The following AGBL4 variants were observed in gnomAD, a reference collection of about 807,000 sequenced individuals.
The protein encoded by AGBL4 is cytosolic carboxypeptidase 6.
Under a neutral mutation model 66.4 loss-of-function variants are expected in AGBL4, and 58 were observed. The ratio of observed to expected loss-of-function variants is 0.87; its 90% CI spans 0.71 to 1.09. The LOEUF (loss-of-function observed/expected upper bound fraction) is 1.09. AGBL4 is among the 50% of genes least tolerant of loss of function. The pLI is 0.00. For synonymous variants in AGBL4, 234 were observed against 222.9 expected (o/e 1.05, Z -0.44); for missense variants, 579 against 631.0 (o/e 0.92, Z 0.88).
At chr1:48,705,782 T>C (rs140893332) in intron 6 of AGBL4, among the ~76,000 whole-genome samples, 2,313 of 152,266 alleles carry the variant, frequency 0.015, 55 homozygotes, top group African/African-American at 0.05. Flanking sequence ...AAGCAGAATT[T>C]GAGGCAAAAT....
chr1:48,856,846 A>C (rs2148814838), intron 6 of AGBL4, among the ~76,000 whole-genome samples: 1 of 152,292 alleles, frequency 6.6e-6, no homozygotes, highest in East Asian at 1.9e-4. Flanking sequence ...AGTGAAAAAA[A>C]CCCAGTGACT....
intron 3 of AGBL4, among the ~76,000 whole-genome samples, chr1:49,407,201 G>A (rs1283101103): frequency 2.0e-5 from 3 of 151,480 alleles, no homozygotes. Context: ...CTTTAAGTAA[G>A]CAGATTGTCC....
chr1:49,985,217 C>T (rs1483967007), intron 1 of AGBL4, among the ~76,000 whole-genome samples: 3 of 152,024 alleles, frequency 2.0e-5, no homozygotes, highest in African/African-American at 4.8e-5. Flanking sequence ...TTGTAAAATA[C>T]CTACACAATG....
At chr1:49,192,708 A>T (rs1647145345) in intron 4 of AGBL4, among the ~76,000 whole-genome samples, 1 of 152,242 alleles carries the variant, frequency 6.6e-6, no homozygotes, top group Non-Finnish European at 1.5e-5. Flanking sequence ...TGCTAATATG[A>T]ATAGTAACCT....
At chr1:48,912,403 T>A (rs575273925) in intron 5 of AGBL4, among the ~76,000 whole-genome samples, 5 of 152,174 alleles carry the variant, frequency 3.3e-5, no homozygotes, top group African/African-American at 1.2e-4. Context: ...CAGTTGAAGA[T>A]TGCTAGAGGG....
At chr1:49,305,403 C>T (rs1557824473) in intron 3 of AGBL4, among the ~76,000 whole-genome samples, 1 of 152,160 alleles carries the variant, frequency 6.6e-6, no homozygotes, top group Non-Finnish European at 1.5e-5. Context: ...CCTGTGGACC[C>T]TCCAGATACC....
chr1:49,643,111 A>C (rs1645816353), intron 3 of AGBL4, among the ~76,000 whole-genome samples: 1 of 152,002 alleles, frequency 6.6e-6, no homozygotes, highest in Non-Finnish European at 1.5e-5. Context: ...TACATGAAAG[A>C]TATATTTTAA....
intron 3 of AGBL4, among the ~76,000 whole-genome samples, chr1:49,643,433 C>G (rs1406036812): frequency 6.6e-6 from 1 of 151,204 alleles, no homozygotes; most frequent in African/African-American, 2.4e-5. Flanking sequence ...AGAACAATAG[C>G]TGAAAATTAT....
intron 3 of AGBL4, among the ~76,000 whole-genome samples, chr1:49,534,171 CAAAAAAA>C (rs71059553): frequency 0.047 from 3,181 of 67,066 alleles, 73 homozygotes; most frequent in African/African-American, 0.17. Flanking sequence ...CACCATTTTA[CAAAAAAA>C]AAAAAAAAAA....
chr1:49,432,623 T>C (rs1645811876), intron 3 of AGBL4, among the ~76,000 whole-genome samples: 4 of 152,026 alleles, frequency 2.6e-5, no homozygotes, highest in Admixed American at 6.5e-5. Flanking sequence ...CTATTTTACA[T>C]GGTTTTACTT....
intron 1 of AGBL4, among the ~76,000 whole-genome samples, chr1:49,937,215 A>C (rs945466941): frequency 1.3e-5 from 2 of 152,202 alleles, no homozygotes; most frequent in Non-Finnish European, 2.9e-5. Context: ...ACAGACATTA[A>C]ACCAACAAAG....
chr1:49,878,613 C>G (rs1333664327), intron 1 of AGBL4, among the ~76,000 whole-genome samples: 51 of 151,992 alleles, frequency 3.4e-4, no homozygotes, highest in African/African-American at 1.0e-3. Context: ...GTGTGGTGTG[C>G]TGCTGAAAAA....
chr1:49,138,389 T>C (rs947111392), intron 4 of AGBL4, among the ~76,000 whole-genome samples: 9 of 151,848 alleles, frequency 5.9e-5, no homozygotes, highest in African/African-American at 1.7e-4. Flanking sequence ...ACATCGTTTC[T>C]TCTTCCTAAA....
At chr1:49,808,530 T>C (rs1645025932) in intron 2 of AGBL4, among the ~76,000 whole-genome samples, 3 of 152,160 alleles carry the variant, frequency 2.0e-5, no homozygotes, top group African/African-American at 4.8e-5. Context: ...TCAATTACTA[T>C]TAAAATTATA....
At chr1:49,773,646 G>C (rs1354537861) in intron 2 of AGBL4, among the ~76,000 whole-genome samples, 1 of 152,188 alleles carries the variant, frequency 6.6e-6, no homozygotes, top group African/African-American at 2.4e-5. Context: ...AGGCACATGG[G>C]GGTGCAGTAG....
At chr1:49,699,161 T>A (rs1361308416) in intron 2 of AGBL4, among the ~76,000 whole-genome samples, 1 of 152,106 alleles carries the variant, frequency 6.6e-6, no homozygotes, top group African/African-American at 2.4e-5. Flanking sequence ...AAAGGCACTA[T>A]GCTTTGTGTT....
intron 3 of AGBL4, among the ~76,000 whole-genome samples, chr1:49,687,266 A>G (rs144056420): frequency 7.1e-4 from 108 of 152,346 alleles, no homozygotes; most frequent in African/African-American, 2.5e-3. Context: ...TCCAAACAAT[A>G]TATGTAAATA....
chr1:48,966,468 A>G (rs954468179), intron 5 of AGBL4, among the ~76,000 whole-genome samples: 3 of 152,170 alleles, frequency 2.0e-5, no homozygotes, highest in African/African-American at 7.2e-5. Context: ...CCAAGTTGGG[A>G]GATTTTTTAA....
intron 5 of AGBL4, among the ~76,000 whole-genome samples, chr1:49,004,683 A>G (rs2148995086): frequency 6.6e-6 from 1 of 152,338 alleles, no homozygotes; most frequent in South Asian, 2.1e-4. Context: ...CAAAGCACTG[A>G]GAGAAACAGA....
Sources: allele counts gnomAD v4.1 joint callset (sites outside exome capture counted in the v4.1 genomes callset), GRCh38; gene constraint gnomAD v4.1.1; transcripts MANE v1.5; gene names NCBI Gene and HGNC (gene_info 2026-07-23, HGNC 2026-07-21).